Variants in ZMYM2 observed in about 807,000 individuals in gnomAD.
ZMYM2 encodes the protein zinc finger MYM-type containing 2.
Under a neutral mutation model 162.8 loss-of-function variants are expected in ZMYM2, and 56 were observed. The ratio of observed to expected loss-of-function variants is 0.34; its 90% CI spans 0.28 to 0.43. The LOEUF is 0.43. Among genes scored for constraint, ZMYM2 ranks in the 20% least tolerant of loss-of-function variants. The pLI is 1.00. For synonymous variants in ZMYM2, 510 were observed against 541.6 expected, an observed-to-expected ratio of 0.94 and a Z score of 0.81; for missense variants, 1,275 against 1,621.8, an observed-to-expected ratio of 0.79 and a Z score of 3.67.
intron 16 of ZMYM2, among the ~76,000 whole-genome samples, chr13:20,060,545 G>A (rs1000575641): frequency 1.3e-5 from 2 of 152,148 alleles, no homozygotes; most frequent in Non-Finnish European, 2.9e-5. Context: ...GGGCATGGTG[G>A]CACATGCCTG....
At chr13:19,889,550 C>G in the ZMYM2 span, among the ~76,000 whole-genome samples, 1 of 151,794 alleles carries the variant, frequency 6.6e-6, no homozygotes, top group Admixed American at 6.6e-5. Context: ...AAACTCCTGA[C>G]CTCAGGAGAT....
chr13:19,959,193 A>G (rs1361802614), intron 1 of ZMYM2, among the ~76,000 whole-genome samples: 1 of 140,588 alleles, frequency 7.1e-6, no homozygotes, highest in South Asian at 2.3e-4. Context: ...GGACGGCGGG[A>G]CGGCGGGGCG....
chr13:20,075,349 A>G (rs1242853805), intron 21 of ZMYM2, among the ~76,000 whole-genome samples: 1 of 152,190 alleles, frequency 6.6e-6, no homozygotes, highest in Admixed American at 6.5e-5. Flanking sequence ...TGTTTTGTAC[A>G]TTGAAAAATT....
intron 10 of ZMYM2, among the ~76,000 whole-genome samples, chr13:20,032,270 T>G (rs1953234224): frequency 6.6e-6 from 1 of 152,148 alleles, no homozygotes. Flanking sequence ...CTTTGACATG[T>G]CTCCATTAGC....
At chr13:20,033,875 A>G (rs540924377) in intron 10 of ZMYM2, among the ~76,000 whole-genome samples, 1 of 152,352 alleles carries the variant, frequency 6.6e-6, no homozygotes, top group Admixed American at 6.5e-5. Context: ...TATACTCAAC[A>G]AAGAATTTTT....
the ZMYM2 span, among the ~76,000 whole-genome samples, chr13:19,907,188 T>C: frequency 6.6e-6 from 1 of 152,224 alleles, no homozygotes; most frequent in African/African-American, 2.4e-5. Context: ...ACTTATAAAT[T>C]ACTTTATTTT....
intron 8 of ZMYM2, 77 bp from the exon 9 acceptor site, chr13:20,027,126 A>G (rs570549363): frequency 2.2e-5 from 21 of 946,856 alleles, no homozygotes; most frequent in Admixed American, 6.4e-5. Context: ...AGAAACTTCT[A>G]TGATCTCAGT....
the ZMYM2 span, among the ~76,000 whole-genome samples, chr13:19,917,389 G>A: frequency 6.6e-6 from 1 of 152,022 alleles, no homozygotes; most frequent in Non-Finnish European, 1.5e-5. Flanking sequence ...AGGAGTTCGA[G>A]ACCAGCCTGG....
the ZMYM2 span, among the ~76,000 whole-genome samples, chr13:19,886,927 G>C: frequency 4.0e-5 from 6 of 151,726 alleles, no homozygotes; most frequent in African/African-American, 1.5e-4. Context: ...CTCCCAAAGT[G>C]ATGGGATTAC....
chr13:19,977,001 A>G (rs889639069), intron 2 of ZMYM2, among the ~76,000 whole-genome samples: 2 of 152,224 alleles, frequency 1.3e-5, no homozygotes, highest in African/African-American at 4.8e-5. Flanking sequence ...TCTTCTTGCT[A>G]GAACGAACCT....
intron 20 of ZMYM2, 88 bp downstream of exon 20, chr13:20,067,107 G>T: frequency 7.1e-7 from 1 of 1,409,886 alleles, no homozygotes; most frequent in Non-Finnish European, 9.4e-7. Flanking sequence ...AAACATAAAT[G>T]TAACTTAAAA....
At chr13:19,917,239 G>A in the ZMYM2 span, among the ~76,000 whole-genome samples, 1 of 152,056 alleles carries the variant, frequency 6.6e-6, no homozygotes, top group African/African-American at 2.4e-5. Context: ...TGGGATTACA[G>A]GCATGAGCCA....
At chr13:20,057,529 T>C (rs182236685) in intron 14 of ZMYM2, among the ~76,000 whole-genome samples, 28 of 152,304 alleles carry the variant, frequency 1.8e-4, no homozygotes, top group African/African-American at 6.5e-4. Flanking sequence ...TTCACAGTGT[T>C]GTTTACTCTA....
chr13:19,962,771 G>A (rs1955386144), intron 2 of ZMYM2, among the ~76,000 whole-genome samples: 1 of 150,068 alleles, frequency 6.7e-6, no homozygotes, highest in African/African-American at 2.5e-5. Flanking sequence ...TTATTCGCCT[G>A]CCTCAGCCTC....
chr13:20,009,225 T>C (rs1398953209), intron 6 of ZMYM2, among the ~76,000 whole-genome samples: 2 of 152,124 alleles, frequency 1.3e-5, no homozygotes, highest in African/African-American at 4.8e-5. Context: ...CAAAATTAAG[T>C]GGACAAATTT....
chr13:19,910,474 C>T, the ZMYM2 span, among the ~76,000 whole-genome samples: 1 of 151,446 alleles, frequency 6.6e-6, no homozygotes, highest in Non-Finnish European at 1.5e-5. Flanking sequence ...ATTTGTCATT[C>T]AAGACTTACT....
chr13:19,871,548 C>T, the ZMYM2 span, among the ~76,000 whole-genome samples: 1 of 152,146 alleles, frequency 6.6e-6, no homozygotes, highest in Non-Finnish European at 1.5e-5. Flanking sequence ...CAAGCACGTG[C>T]CACCATGCCC....
In ZMYM2 at chr13:20,031,445, ATT is replaced by A. The variant is rs1566347385; in HGVS notation, c.1968+13_1968+14del. 3 of 1,555,002 alleles carry A rather than the reference ATT, an allele frequency of 1.9e-6. No individual in the cohort carries two copies. Among genetic ancestry groups the A allele is most frequent in the Non-Finnish European group, 2.6e-6 (3 of 1,136,158 alleles). Reference sequence around the variant, plus strand: ...AATCCTGGAATGGGAGGCAAGTTGTATTTTGTAATGTGTGTTATCTAATGCTA... The same window carrying A: ...AATCCTGGAATGGGAGGCAAGTTGTATTGTAATGTGTGTTATCTAATGCTA... On this transcript the variant is annotated intron_variant, in intron 10 of 24. Coordinates refer to ENST00000610343, the MANE Select transcript of ZMYM2 (RefSeq NM_197968.4).
At chr13:20,005,655 T>C (rs1321561264) in intron 5 of ZMYM2, among the ~76,000 whole-genome samples, 1 of 152,190 alleles carries the variant, frequency 6.6e-6, no homozygotes, top group Admixed American at 6.5e-5. Context: ...TTATTAATAT[T>C]GTGTTAAATA....
Sources: allele counts gnomAD v4.1 joint callset (sites outside exome capture counted in the v4.1 genomes callset), GRCh38; gene constraint gnomAD v4.1.1; transcripts MANE v1.5; gene names NCBI Gene and HGNC (gene_info 2026-07-23, HGNC 2026-07-21).